Variants in VMA22 observed in about 807,000 individuals in gnomAD.
VMA22 encodes the protein vacuolar ATPase assembly factor VMA22.
At chr2:130,341,897 C>T in the VMA22 span, 2 of 1,613,464 alleles carry the variant, frequency 1.2e-6, no homozygotes, top group South Asian at 2.2e-5. Context: ...GGGGCCCTAC[C>T]GACTTGGCGC....
At chr2:130,342,378 G>A in the VMA22 span, 3 of 640,124 alleles carry the variant, frequency 4.7e-6, no homozygotes, top group Non-Finnish European at 8.0e-6. Flanking sequence ...GTCGGCTAGG[G>A]TTATAGGTGG....
At chr2:130,341,919 C>A in the VMA22 span, 1 of 1,613,420 alleles carries the variant, frequency 6.2e-7, no homozygotes. Context: ...CATCGCGTAG[C>A]GAGCCTTGGC....
the VMA22 span, chr2:130,339,674 G>T: frequency 1.5e-6 from 2 of 1,304,354 alleles, no homozygotes. Flanking sequence ...GGCAGCTCTC[G>T]TCTTCGGCCT....
At chr2:130,341,661 G>A in the VMA22 span, 1 of 1,609,094 alleles carries the variant, frequency 6.2e-7, no homozygotes, top group Non-Finnish European at 8.5e-7. Flanking sequence ...GGAAGAGGGG[G>A]CTCACCTGCT....
the VMA22 span, chr2:130,341,917 A>T: frequency 5.0e-6 from 8 of 1,613,276 alleles, no homozygotes; most frequent in Non-Finnish European, 6.8e-6. Flanking sequence ...CCCATCGCGT[A>T]GCGAGCCTTG....
the VMA22 span, chr2:130,340,884 A>G: frequency 6.2e-7 from 1 of 1,613,822 alleles, no homozygotes; most frequent in Non-Finnish European, 8.5e-7. Context: ...AGGGCCACAG[A>G]GCCAAACAAC....
the VMA22 span, chr2:130,341,532 C>T: frequency 1.2e-5 from 9 of 731,458 alleles, no homozygotes; most frequent in Admixed American, 3.0e-5. Flanking sequence ...GGCAAAACCA[C>T]CCTACAAAAA....
the VMA22 span, chr2:130,342,040 G>A: frequency 6.2e-7 from 1 of 1,613,916 alleles, no homozygotes; most frequent in Non-Finnish European, 8.5e-7. Context: ...GTTCAACACC[G>A]TTCGTTTCCC....
the VMA22 span, chr2:130,341,847 T>C: frequency 7.9e-7 from 1 of 1,265,072 alleles, no homozygotes; most frequent in Non-Finnish European, 1.1e-6. Flanking sequence ...TCACCTGGCG[T>C]GGAGGCAGAC....
At chr2:130,341,894 T>TA in the VMA22 span, 1 of 1,587,382 alleles carries the variant, frequency 6.3e-7, no homozygotes, top group East Asian at 2.3e-5. Context: ...GCAGGGGCCC[T>TA]ACCGACTTGG....
the VMA22 span, chr2:130,342,664 C>G: frequency 2.0e-6 from 1 of 508,696 alleles, no homozygotes; most frequent in East Asian, 3.1e-5. Context: ...GAAGCCTGGG[C>G]GGACATATTT....
chr2:130,340,792 G>A, the VMA22 span: 567 of 1,298,122 alleles, frequency 4.4e-4, no homozygotes, highest in Non-Finnish European at 5.8e-4. Flanking sequence ...AGTTTGGATG[G>A]AGGAAAACCT....
the VMA22 span, chr2:130,339,289 AG>A: frequency 1.3e-6 from 2 of 1,499,480 alleles, no homozygotes; most frequent in Non-Finnish European, 1.8e-6. Context: ...ACGACCCAGG[AG>A]GATCTGGATA....
the VMA22 span, chr2:130,339,340 C>A: frequency 2.1e-5 from 28 of 1,333,806 alleles, no homozygotes; most frequent in African/African-American, 7.3e-5. Context: ...CTCTGCCCCC[C>A]ACACTTGTCC....
At chr2:130,341,768 G>A in the VMA22 span, 3 of 1,609,408 alleles carry the variant, frequency 1.9e-6, no homozygotes, top group South Asian at 1.1e-5. Flanking sequence ...CGAGAAGGGA[G>A]GATGGAGCTT....
At chr2:130,341,801 G>GGGGCGGGCC in the VMA22 span, 1 of 1,378,140 alleles carries the variant, frequency 7.3e-7, no homozygotes, top group Non-Finnish European at 9.9e-7. Context: ...CCTAGAACGC[G>GGGGCGGGCC]CCCGCCCGCC....
chr2:130,340,353 C>A, the VMA22 span: 1 of 176,718 alleles, frequency 5.7e-6, no homozygotes, highest in Non-Finnish European at 1.2e-5. Context: ...GTTGCACCAT[C>A]CTCTGCTCAG....
chr2:130,342,096 C>T, the VMA22 span: 1 of 1,613,828 alleles, frequency 6.2e-7, no homozygotes, highest in Non-Finnish European at 8.5e-7. Context: ...CCAGCGAATC[C>T]AGCTCCGCTC....
chr2:130,341,042 G>C, the VMA22 span: 3 of 1,597,676 alleles, frequency 1.9e-6, no homozygotes, highest in Middle Eastern at 1.7e-4. Context: ...CCGCAGACCT[G>C]AGGAAAGAAA....
Sources: gnomAD v4.1 joint callset for allele counts on GRCh38, gnomAD v4.1.1 for gene constraint, MANE v1.5 for transcripts, NCBI Gene and HGNC (gene_info 2026-07-23, HGNC 2026-07-21) for gene names.